Variants in IGF2BP2 observed in about 807,000 individuals in gnomAD.
The protein encoded by IGF2BP2 is insulin like growth factor 2 mRNA binding protein 2, also known as insulin-like growth factor 2 mRNA-binding protein 2.
In IGF2BP2, 17 loss-of-function variants were observed where a neutral mutation model predicts 75.8. That is an observed-to-expected ratio of 0.22 (90% CI 0.15 to 0.34). IGF2BP2 has a LOEUF of 0.34. Ranked by LOEUF, IGF2BP2 falls within the 10% of genes least tolerant of loss-of-function variation. IGF2BP2 has a pLI of 1.00. For missense variants in IGF2BP2, 516 were observed against 772.4 expected (o/e 0.67, Z 3.93); for synonymous variants, 288 against 295.6 (o/e 0.97, Z 0.26).
intron 2 of IGF2BP2, among the ~76,000 whole-genome samples, chr3:185,707,233 A>G (rs1724159088): frequency 6.6e-6 from 1 of 151,642 alleles, no homozygotes; most frequent in Non-Finnish European, 1.5e-5. Context: ...TCAAAAAAAA[A>G]AAAGACATCA....
At chr3:185,774,593 T>TAAA (rs1734298643) in intron 2 of IGF2BP2, among the ~76,000 whole-genome samples, 1 of 77,660 alleles carries the variant, frequency 1.3e-5, no homozygotes. Flanking sequence ...AGACTCTGTC[T>TAAA]CAAAAAAAAA....
intron 2 of IGF2BP2, among the ~76,000 whole-genome samples, chr3:185,705,435 C>G (rs1163156088): frequency 6.6e-6 from 1 of 152,106 alleles, no homozygotes; most frequent in Admixed American, 6.6e-5. Flanking sequence ...AGTTATGAAC[C>G]CAGTAACTTC....
intron 2 of IGF2BP2, among the ~76,000 whole-genome samples, chr3:185,748,169 G>T (rs1445286726): frequency 6.6e-6 from 1 of 152,206 alleles, no homozygotes; most frequent in East Asian, 1.9e-4. Flanking sequence ...CTCCCAAAGT[G>T]CTGGGATTAC....
rs1023112020 is a variant in IGF2BP2, at chr3:185,643,399, C to T, written c.*2132G>A. On this transcript the variant is annotated 3_prime_UTR_variant, in exon 16 of 16. Transcript: ENST00000382199. ...GATCCATCCCTCTAGCTCCGAGGTTCGGAAACTTCAGTGCGCACAGCAATC... is the reference window on the plus strand; with the variant it reads ...GATCCATCCCTCTAGCTCCGAGGTTTGGAAACTTCAGTGCGCACAGCAATC... 3.3e-5 allele frequency among the ~76,000 whole-genome samples: 5 copies of T among 152,198 alleles called. No individual in the cohort carries two copies. Among genetic ancestry groups the T allele is most frequent in the African/African-American group, 9.6e-5 (4 of 41,452 alleles).
intron 2 of IGF2BP2, chr3:185,729,878 A>T (rs186575521): frequency 2.3e-4 from 35 of 152,338 alleles, no homozygotes; most frequent in African/African-American, 7.5e-4. Flanking sequence ...ATGCGAATAT[A>T]TGTATCTTCT....
At chr3:185,717,082 A>G in intron 2 of IGF2BP2, 1 of 270,444 alleles carries the variant, frequency 3.7e-6, no homozygotes, top group Non-Finnish European at 7.3e-6. Context: ...GTCATTTCAG[A>G]TCATCTGAAT....
At chr3:185,729,518 A>G (rs746678011) in intron 2 of IGF2BP2, among the ~76,000 whole-genome samples, 16 of 152,184 alleles carry the variant, frequency 1.1e-4, no homozygotes, top group Non-Finnish European at 1.8e-4. Context: ...GATGAATGTA[A>G]TTTTTTGGTA....
chr3:185,717,688 A>G (rs1366049897), intron 2 of IGF2BP2: 2 of 152,262 alleles, frequency 1.3e-5, no homozygotes, highest in Non-Finnish European at 2.9e-5. Context: ...TTGAAACGAT[A>G]CAAAATTAAT....
At chr3:185,773,701 A>T (rs1429120937) in intron 2 of IGF2BP2, among the ~76,000 whole-genome samples, 2 of 152,182 alleles carry the variant, frequency 1.3e-5, no homozygotes, top group Admixed American at 1.3e-4. Flanking sequence ...ACAGTACTTT[A>T]CAATTCCTTT....
chr3:185,701,866 G>C (rs1723356530), intron 2 of IGF2BP2, among the ~76,000 whole-genome samples: 1 of 152,096 alleles, frequency 6.6e-6, no homozygotes, highest in African/African-American at 2.4e-5. Flanking sequence ...TTATCTTTTG[G>C]GGTCATGAGC....
chr3:185,665,341 GAGA>G (rs1717234798), intron 10 of IGF2BP2, among the ~76,000 whole-genome samples: 15 of 115,924 alleles, frequency 1.3e-4, no homozygotes, highest in Admixed American at 3.4e-4. Flanking sequence ...GGAGGAGGAG[GAGA>G]AGGAGGAGGA....
intron 2 of IGF2BP2, among the ~76,000 whole-genome samples, chr3:185,765,577 G>C (rs2149715293): frequency 6.6e-6 from 1 of 152,244 alleles, no homozygotes; most frequent in African/African-American, 2.4e-5. Context: ...CACTCCACCT[G>C]CACCTAGAGG....
At chr3:185,759,689 A>G (rs936653201) in intron 2 of IGF2BP2, among the ~76,000 whole-genome samples, 25 of 152,200 alleles carry the variant, frequency 1.6e-4, no homozygotes, top group African/African-American at 6.0e-4. Flanking sequence ...TATACATGTG[A>G]CTTAGAGCCA....
rs1255148057 is a variant in IGF2BP2 at position 185,788,511 on chromosome 3, C to CTAAAAGTAA, written c.239+34633_239+34641dup. Reference sequence around the variant, plus strand: ...TGGGCAACAGAGCAAGACCCCATCTCTAAAAGTAATAATAATAATAAAGTT... The same window carrying CTAAAAGTAA: ...TGGGCAACAGAGCAAGACCCCATCTCTAAAAGTAATAAAAGTAATAATAATAATAAAGTT... On this transcript the variant is annotated intron_variant, in intron 2 of 15. Coordinates refer to ENST00000382199, the MANE Select transcript of IGF2BP2 (RefSeq NM_006548.6). 3.6e-4 allele frequency among the ~76,000 whole-genome samples: 55 copies of CTAAAAGTAA among 152,190 alleles called. 1 individual carries two copies. Among genetic ancestry groups the CTAAAAGTAA allele is most frequent in the African/African-American group, 1.3e-3 (53 of 41,532 alleles).
Position 185,645,885 on chromosome 3 carries a change from G to A in IGF2BP2, c.1708-262C>T, listed in dbSNP as rs955569297. Among the ~76,000 whole-genome samples, 1 of 152,182 alleles carries A rather than the reference G, an allele frequency of 6.6e-6. No individual in the cohort carries two copies. The highest frequency in any genetic ancestry group is 2.4e-5 in the African/African-American group (1 of 41,434). ...CTTCCAGTTCACTGCTGGACGGACAGGCCAGGAAGCAGAAGCAGGGCGCCA... is the reference window on the plus strand; with the variant it reads ...CTTCCAGTTCACTGCTGGACGGACAAGCCAGGAAGCAGAAGCAGGGCGCCA... On this transcript the variant is annotated intron_variant, in intron 15 of 15. Coordinates refer to ENST00000382199, the MANE Select transcript of IGF2BP2 (RefSeq NM_006548.6). The surrounding 1 kb of genome is among the most constrained non-coding windows in gnomAD (Gnocchi z 4.9).
At chr3:185,719,640 C>T (rs537826871) in intron 2 of IGF2BP2, among the ~76,000 whole-genome samples, 1 of 152,150 alleles carries the variant, frequency 6.6e-6, no homozygotes, top group Non-Finnish European at 1.5e-5. Flanking sequence ...TCCAGACCAG[C>T]CTGGCCAACG....
chr3:185,656,574 T>C (rs963466778), intron 12 of IGF2BP2, among the ~76,000 whole-genome samples: 1 of 152,246 alleles, frequency 6.6e-6, no homozygotes, highest in Non-Finnish European at 1.5e-5. Flanking sequence ...ACAAAAACTC[T>C]GTTTCCGAAA....
intron 2 of IGF2BP2, among the ~76,000 whole-genome samples, chr3:185,786,731 CGT>C (rs796988267): frequency 7.2e-5 from 11 of 152,170 alleles, no homozygotes; most frequent in African/African-American, 2.6e-4. Context: ...CATGGACGCG[CGT>C]GACAGAACCC....
chr3:185,735,137 C>T (rs574388166), intron 2 of IGF2BP2, among the ~76,000 whole-genome samples: 13 of 147,270 alleles, frequency 8.8e-5, no homozygotes, highest in South Asian at 4.4e-4. Context: ...CTTGAAAATA[C>T]ATTTAAATCC....
Sources: gnomAD v4.1 joint callset for allele counts (sites outside exome capture counted in the v4.1 genomes callset) on GRCh38, gnomAD v4.1.1 for gene constraint, Gnocchi (gnomAD v3.1) non-coding constraint, MANE v1.5 for transcripts, NCBI Gene and HGNC (gene_info 2026-07-23, HGNC 2026-07-21) for gene names.